The following SGO1 variants were observed in gnomAD, a reference collection of about 807,000 sequenced individuals.
SGO1 encodes shugoshin 1.
A neutral mutation model predicts 50.5 loss-of-function variants in SGO1; 39 were observed. The ratio of observed to expected loss-of-function variants is 0.77; its 90% CI spans 0.60 to 1.01. The LOEUF (loss-of-function observed/expected upper bound fraction) is 1.01, where lower values mean the gene tolerates loss of function less well. SGO1 is among the 50% of genes least tolerant of loss of function. The pLI is 0.00. For synonymous variants in SGO1, 191 were observed against 205.1 expected (o/e 0.93, Z 0.59); for missense variants, 638 against 606.0 (o/e 1.05, Z -0.55).
At chr3:20,173,383 G>A (rs934432974) in intron 6 of SGO1, among the ~76,000 whole-genome samples, 13 of 151,880 alleles carry the variant, frequency 8.6e-5, no homozygotes, top group African/African-American at 2.7e-4. Flanking sequence ...CAGGTGATCC[G>A]CCCACCTCAG....
chr3:20,161,004 T>G, exon 9 of SGO1: 2 of 1,542,878 alleles, frequency 1.3e-6, no homozygotes, highest in Non-Finnish European at 1.8e-6. Context: ...CACCCCTCCA[T>G]CTCTCCCCCA....
At chr3:20,173,962 T>G (rs1701065938) in intron 6 of SGO1, among the ~76,000 whole-genome samples, 1 of 152,190 alleles carries the variant, frequency 6.6e-6, no homozygotes, top group African/African-American at 2.4e-5. Context: ...CAATTCAACC[T>G]AAGTCTACAA....
At chr3:20,173,712 A>G (rs1338938297) in intron 6 of SGO1, among the ~76,000 whole-genome samples, 1 of 152,216 alleles carries the variant, frequency 6.6e-6, no homozygotes, top group Non-Finnish European at 1.5e-5. Flanking sequence ...TATTACGAAC[A>G]TTTGAACTAT....
At chr3:20,177,968 A>C (rs1366607916) in intron 4 of SGO1, among the ~76,000 whole-genome samples, 2 of 152,156 alleles carry the variant, frequency 1.3e-5, no homozygotes, top group Non-Finnish European at 2.9e-5. Flanking sequence ...CCTTCTTAGA[A>C]TAAAAACATG....
chr3:20,185,482 C>A (rs1192609286), intron 1 of SGO1, among the ~76,000 whole-genome samples: 2 of 152,158 alleles, frequency 1.3e-5, no homozygotes, highest in Non-Finnish European at 2.9e-5. Context: ...CGGTCTCAAT[C>A]TGTACAGTAC....
In SGO1 at chr3:20,174,427, G is replaced by A. The variant is rs1701126829; in HGVS notation, c.1104C>T (p.Leu368=). Residue 368 remains leucine (L), a synonymous_variant, in exon 6 of 8, where the codon CTC becomes CTT. Coordinates refer to ENST00000412997, the MANE Select transcript of SGO1 (RefSeq NM_001199251.3). ...CATCTCCTGAACCACTTGATTCACA[G>A]AGGCTCACTTCAGACTCGTTGTTTT... ...REENNESEVS[L]CESSGSGDDS... is the part of the protein sequence containing the mutation. The A allele has an allele frequency of 6.2e-7, 1 of 1,614,160 alleles. No homozygotes were observed. Among genetic ancestry groups the A allele is most frequent in the Non-Finnish European group, 8.5e-7 (1 of 1,180,030 alleles).
At chr3:20,176,002 G>A (rs1217088785) in intron 5 of SGO1, among the ~76,000 whole-genome samples, 2 of 152,158 alleles carry the variant, frequency 1.3e-5, no homozygotes, top group Non-Finnish European at 2.9e-5. Context: ...AATATAATTT[G>A]TATTTTAAGG....
chr3:20,174,682 C>G lies in SGO1; in HGVS notation c.849G>C (p.Lys283Asn). The G allele has an allele frequency of 6.2e-7, 1 of 1,611,068 alleles. No individual in the cohort carries two copies. Among genetic ancestry groups the G allele is most frequent in the Non-Finnish European group, 8.5e-7 (1 of 1,179,198 alleles). ...LESKSEQTKS[K>N]QRDTQERKRE... ...TTTTTCTTTCTTGTGTATCTCTTTG[C>G]TTACTTTTAGTTTGTTCAGATTTAG... The change falls in exon 6 of 8, where the codon AAG becomes AAC. Residue 283 changes from lysine to asparagine, a missense_variant. Transcript: ENST00000412997.
At position 20,174,734 on chromosome 3, in the gene SGO1, G is replaced by A. The variant is rs980925743; in HGVS notation, c.797C>T (p.Thr266Ile). The A allele has an allele frequency of 6.2e-7, 1 of 1,613,572 alleles. No homozygotes were observed. The highest frequency in any genetic ancestry group is 8.5e-7 in the Non-Finnish European group (1 of 1,179,952). The change falls in exon 6 of 8, where the codon ACT becomes ATT. Residue 266 changes from threonine to isoleucine, a missense_variant. Physicochemically the swap from Thr to Ile is moderately conservative, Grantham distance 89 (BLOSUM62 -1). Coordinates refer to ENST00000412997, the MANE Select transcript of SGO1 (RefSeq NM_001199251.3). Reference protein sequence around the residue: ...SPKLIQPGTFTKTKEDILESK... With the variant: ...SPKLIQPGTFIKTKEDILESK... ...TTCTAAAATGTCTTCTTTTGTTTTA[G>A]TAAACGTTCCTGGCTGAATCAGCTT...
intron 1 of SGO1, among the ~76,000 whole-genome samples, chr3:20,184,397 A>G (rs898546653): frequency 2.6e-5 from 4 of 152,214 alleles, no homozygotes; most frequent in Non-Finnish European, 5.9e-5. Context: ...CTTTTTATAG[A>G]AAATGTTTAG....
rs1200161174 is a variant in SGO1, at chr3:20,183,989, A to G, written c.39T>C (p.Asp13=). The G allele has an allele frequency of 3.8e-6, 6 of 1,598,508 alleles. No individual in the cohort carries two copies. In the Admixed American group the frequency reaches 1.1e-4, roughly 29 times the overall value. ...KERCLKKSFQ[D]SLEDIKKRMK... The stretch of plus-strand genomic sequence containing the variant: ...TTCGCTTCTTTATGTCTTCAAGACT[A>G]TCTTGAAAGGACTTTTTCAGGCATC... Residue 13 remains aspartate, a synonymous_variant, in exon 2 of 8, where the codon GAT becomes GAC. Transcript: ENST00000412997.
chr3:20,182,184 T>C (rs1702091299), intron 3 of SGO1, among the ~76,000 whole-genome samples: 1 of 152,032 alleles, frequency 6.6e-6, no homozygotes, highest in Admixed American at 6.5e-5. Flanking sequence ...ACTTATTGTC[T>C]ATGTGTGTAT....
intron 1 of SGO1, among the ~76,000 whole-genome samples, chr3:20,184,956 T>G (rs1702462402): frequency 6.6e-6 from 1 of 152,022 alleles, no homozygotes. Flanking sequence ...CCAATAACAA[T>G]CTATGCACAG....
At chr3:20,184,895 G>A (rs578048680) in intron 1 of SGO1, among the ~76,000 whole-genome samples, 3 of 150,940 alleles carry the variant, frequency 2.0e-5, no homozygotes, top group East Asian at 2.0e-4. Flanking sequence ...CATCTTTTAC[G>A]CTAGATTGCA....
At chr3:20,181,946 G>A (rs1352555208) in intron 3 of SGO1, among the ~76,000 whole-genome samples, 4 of 151,780 alleles carry the variant, frequency 2.6e-5, no homozygotes, top group Non-Finnish European at 4.4e-5. Flanking sequence ...AGCCAGGTGT[G>A]GTGGCGCATG....
intron 5 of SGO1, among the ~76,000 whole-genome samples, chr3:20,175,532 T>C (rs965583730): frequency 4.6e-5 from 7 of 152,102 alleles, no homozygotes; most frequent in South Asian, 2.1e-4. Flanking sequence ...CACGGTGGCT[T>C]ACGCTTGTAA....
At chr3:20,185,094 A>G (rs2125405503) in intron 1 of SGO1, among the ~76,000 whole-genome samples, 1 of 152,342 alleles carries the variant, frequency 6.6e-6, no homozygotes, top group South Asian at 2.1e-4. Flanking sequence ...AATCTTAAAT[A>G]TAGGTATTGT....
downstream of SGO1, among the ~76,000 whole-genome samples, chr3:20,166,935 A>C (rs996411519): frequency 6.6e-6 from 1 of 150,532 alleles, no homozygotes; most frequent in South Asian, 2.1e-4. Flanking sequence ...TGAACCCAGG[A>C]GTTTGAGGCT....
At position 20,183,599 on chromosome 3, in the gene SGO1, T is replaced by C. The variant is rs1174854532; in HGVS notation, c.339+9A>G. 2 of 1,558,718 alleles carry C rather than the reference T, an allele frequency of 1.3e-6. No individual in the cohort carries two copies. The highest frequency in any genetic ancestry group is 1.4e-5 in the African/African-American group (1 of 71,954). ...AAACTAAGAAATTCGGCCTTAGTAA[T>C]GAAAATACCTGAGCAGGTTCTACTG... On this transcript the variant is annotated intron_variant, in intron 3 of 7. Transcript: ENST00000412997.
Sources: allele counts gnomAD v4.1 joint callset (sites outside exome capture counted in the v4.1 genomes callset), GRCh38; gene constraint gnomAD v4.1.1; transcripts MANE v1.5; gene names NCBI Gene and HGNC (gene_info 2026-07-23, HGNC 2026-07-21).